EFCAB6: variants seen among roughly 807,000 people sequenced by gnomAD.
The protein encoded by EFCAB6 is EF-hand calcium binding domain 6, also known as EF-hand calcium-binding domain-containing protein 6.
Under a neutral mutation model 169.8 loss-of-function variants are expected in EFCAB6, and 156 were observed. That is an observed-to-expected ratio of 0.92 (90% confidence interval 0.81 to 1.05). EFCAB6 has a LOEUF of 1.05. EFCAB6 is among the 50% of genes least tolerant of loss of function. The pLI, the probability that EFCAB6 is intolerant of heterozygous loss-of-function variation, is 0.00. For missense variants in EFCAB6, 1,800 were observed against 1,829.1 expected, an observed-to-expected ratio of 0.98 and a Z score of 0.29; for synonymous variants, 698 against 676.4, an observed-to-expected ratio of 1.03 and a Z score of -0.50.
chr22:43,656,929 G>A (rs925942463), intron 17 of EFCAB6, among the ~76,000 whole-genome samples: 1 of 152,228 alleles, frequency 6.6e-6, no homozygotes, highest in African/African-American at 2.4e-5. Flanking sequence ...GCATATGACT[G>A]AATGTAGGAA....
At position 43,749,973 on chromosome 22, in the gene EFCAB6, G is replaced by C. The variant is rs149998065; in HGVS notation, c.507+5793C>G. On this transcript the variant is annotated intron_variant, in intron 6 of 31. Coordinates refer to ENST00000262726, the MANE Select transcript of EFCAB6 (RefSeq NM_022785.4). The stretch of plus-strand genomic sequence containing the variant: ...AAAGAGGCAAGACTAGCTTGCTCAG[G>C]ATCACTCAGAGAGTCCGTGTTGGTG... 3.3e-5 allele frequency among the ~76,000 whole-genome samples: 5 copies of C among 152,234 alleles called. No individual in the cohort carries two copies. In the East Asian group the frequency reaches 9.6e-4, roughly 29 times the overall value.
At chr22:43,574,240 C>T (rs905347021) in intron 26 of EFCAB6, among the ~76,000 whole-genome samples, 39 of 151,546 alleles carry the variant, frequency 2.6e-4, no homozygotes, top group South Asian at 2.1e-4. Context: ...TACAATTTAA[C>T]GTTAAGTGAA....
chr22:43,736,122 G>T, intron 6 of EFCAB6, 129 bp from the exon 7 acceptor site: 6 of 894,008 alleles, frequency 6.7e-6, no homozygotes, highest in Non-Finnish European at 9.4e-6. Flanking sequence ...CACAGTGGTA[G>T]GCATGGCAAA....
intron 17 of EFCAB6, among the ~76,000 whole-genome samples, chr22:43,641,712 C>T (rs1292820138): frequency 1.3e-5 from 2 of 151,952 alleles, no homozygotes; most frequent in Non-Finnish European, 2.9e-5. Context: ...AGGACAGGGA[C>T]TGTGAGGTGC....
chr22:43,798,674 C>G (rs888509404), intron 2 of EFCAB6, among the ~76,000 whole-genome samples: 1 of 152,154 alleles, frequency 6.6e-6, no homozygotes, highest in Admixed American at 6.5e-5. Flanking sequence ...TCTCCAGACC[C>G]GAGGCCAGTG....
At chr22:43,725,556 A>G (rs1009999800) in intron 8 of EFCAB6, among the ~76,000 whole-genome samples, 6 of 152,212 alleles carry the variant, frequency 3.9e-5, no homozygotes, top group African/African-American at 1.2e-4. Flanking sequence ...AAACTGTTAC[A>G]TTGGGGATTA....
intron 8 of EFCAB6, among the ~76,000 whole-genome samples, chr22:43,725,209 T>G (rs1376852001): frequency 2.7e-5 from 4 of 150,214 alleles, no homozygotes; most frequent in Non-Finnish European, 5.9e-5. Flanking sequence ...GGCACAATCT[T>G]GGCTCATTGT....
intron 10 of EFCAB6, among the ~76,000 whole-genome samples, chr22:43,692,964 A>T (rs984317677): frequency 6.6e-6 from 1 of 152,200 alleles, no homozygotes; most frequent in African/African-American, 2.4e-5. Flanking sequence ...TGAAAGTCAA[A>T]TTCAAAGGGT....
intron 2 of EFCAB6, among the ~76,000 whole-genome samples, chr22:43,805,073 A>T (rs1203226703): frequency 1.3e-5 from 2 of 152,250 alleles, no homozygotes; most frequent in Non-Finnish European, 2.9e-5. Context: ...ACATACCAAC[A>T]GCAAACAAAC....
chr22:43,664,098 G>C (rs2057132609), intron 17 of EFCAB6, among the ~76,000 whole-genome samples: 1 of 152,218 alleles, frequency 6.6e-6, no homozygotes, highest in African/African-American at 2.4e-5. Context: ...CCACCATGGA[G>C]ACAGCAGCAG....
intron 8 of EFCAB6, among the ~76,000 whole-genome samples, chr22:43,717,778 A>G (rs538071334): frequency 1.3e-5 from 2 of 152,250 alleles, no homozygotes; most frequent in South Asian, 4.1e-4. Flanking sequence ...AGGGCTACTC[A>G]CCGAATTCAC....
rs1052714532 is a variant in EFCAB6 at position 43,672,043 on chromosome 22, T to C, written c.1570A>G (p.Ile524Val). 6.2e-7 allele frequency: 1 copy of C among 1,614,084 alleles called. No homozygotes were observed. Among genetic ancestry groups the C allele is most frequent in the African/African-American group, 1.3e-5 (1 of 74,938 alleles). Residue 524 changes from isoleucine to valine, a missense_variant, in exon 15 of 32, where the codon ATT becomes GTT. By Grantham distance (29) the Ile-to-Val change is conservative (BLOSUM62 3). Coordinates refer to ENST00000262726, the MANE Select transcript of EFCAB6 (RefSeq NM_022785.4). ...ATTTTCTTGAAATTATTTCGGCCAA[T>C]GCGCCCTGTGTCTCCAAGGTCATAT... ...RSYDLGDTGR[I>V]GRNNFKKIMH...
rs781394088 is a variant in EFCAB6, at chr22:43,591,120, TTTTG to T, written c.2877-895_2877-892del. 7.3e-3 allele frequency among the ~76,000 whole-genome samples: 954 copies of T among 130,534 alleles called. 4 individuals are homozygous for T. The highest frequency in any genetic ancestry group is 0.025 in the Middle Eastern group (6 of 236). 85.6% of individuals were successfully genotyped at this position (130,534 alleles called of 152,430 possible). On this transcript the variant is annotated intron_variant, in intron 23 of 31. Coordinates refer to ENST00000262726, the MANE Select transcript of EFCAB6 (RefSeq NM_022785.4). Reference sequence around the variant, plus strand: ...TTGTTTTTTGTTTTTTGTTTTTTTTTTTTGTTTTTTTTTTGTTTTTTTTACCAGG... The same window carrying T: ...TTGTTTTTTGTTTTTTGTTTTTTTTTTTTTTTTTTTGTTTTTTTTACCAGG...
rs1359375087 is a variant in EFCAB6, at chr22:43,669,049, A to C, written c.1641-4T>G. Reference sequence around the variant, plus strand: ...GTCCTGAATCTTACTGCAGAGTCTGAATTTTAAAAAATAATTAAAACACAC... The same window carrying C: ...GTCCTGAATCTTACTGCAGAGTCTGCATTTTAAAAAATAATTAAAACACAC... On this transcript the variant is annotated splice_polypyrimidine_tract_variant and splice_region_variant and intron_variant, in intron 15 of 31. Transcript: ENST00000262726. 2 of 1,594,752 alleles carry C rather than the reference A, an allele frequency of 1.3e-6. No individual in the cohort carries two copies. Among genetic ancestry groups the C allele is most frequent in the Middle Eastern group, 1.7e-4 (1 of 5,964 alleles).
At chr22:43,581,302 T>G (rs925068435) in intron 24 of EFCAB6, among the ~76,000 whole-genome samples, 6 of 152,162 alleles carry the variant, frequency 3.9e-5, no homozygotes, top group Non-Finnish European at 5.9e-5. Context: ...TCAGGAGTGG[T>G]TGAAATGAAG....
At chr22:43,530,723 C>A in intron 31 of EFCAB6, 92 bp downstream of exon 31, 1 of 1,571,240 alleles carries the variant, frequency 6.4e-7, no homozygotes, top group South Asian at 1.2e-5. Context: ...GGGCCTTCGG[C>A]AGCAGGTAGA....
intron 13 of EFCAB6, among the ~76,000 whole-genome samples, chr22:43,676,059 G>A (rs962122097): frequency 7.9e-5 from 12 of 151,878 alleles, no homozygotes; most frequent in African/African-American, 2.9e-4. Flanking sequence ...TAATGATGTG[G>A]GGTGAGGGGG....
At chr22:43,807,996 C>T (rs1392968568) in intron 2 of EFCAB6, among the ~76,000 whole-genome samples, 2 of 152,220 alleles carry the variant, frequency 1.3e-5, no homozygotes, top group Admixed American at 6.5e-5. Flanking sequence ...TAACCTCCTC[C>T]TGACTCAGTT....
rs1176021619 is a variant in EFCAB6, at chr22:43,744,440, G to GAAGCAGCAGATGA, written c.508-8460_508-8448dup. Among the ~76,000 whole-genome samples the GAAGCAGCAGATGA allele has an allele frequency of 6.6e-6, 1 of 152,224 alleles. No individual in the cohort carries two copies. Among genetic ancestry groups the GAAGCAGCAGATGA allele is most frequent in the African/African-American group, 2.4e-5 (1 of 41,440 alleles). ...CAGACAGACACAGCAGAGCAAGGCAGAAGCAGCAGATGAAAGCAGCCTGAA... is the reference window on the plus strand; with the variant it reads ...CAGACAGACACAGCAGAGCAAGGCAGAAGCAGCAGATGAAAGCAGCAGATGAAAGCAGCCTGAA... On this transcript the variant is annotated intron_variant, in intron 6 of 31. Coordinates refer to ENST00000262726, the MANE Select transcript of EFCAB6 (RefSeq NM_022785.4). This position sits in a 1 kb window ranked among gnomAD's most constrained non-coding sequence, Gnocchi z 4.3.
Sources: gnomAD v4.1 joint callset for allele counts (sites outside exome capture counted in the v4.1 genomes callset) on GRCh38, gnomAD v4.1.1 for gene constraint, Gnocchi (gnomAD v3.1) non-coding constraint, MANE v1.5 for transcripts, NCBI Gene and HGNC (gene_info 2026-07-23, HGNC 2026-07-21) for gene names.